Variants in TNPO2 observed in about 807,000 individuals in gnomAD.
TNPO2 encodes transportin-2.
TNPO2 carries 16 observed loss-of-function variants against 111.1 expected under a neutral mutation model. That is an observed-to-expected ratio of 0.14 (90% CI 0.10 to 0.22). The LOEUF is 0.22. Ranked by LOEUF, TNPO2 falls within the 10% of genes least tolerant of loss-of-function variation. TNPO2 has a pLI of 1.00. For missense variants in TNPO2, 530 were observed against 1,173.7 expected (o/e 0.45, Z 8.01); for synonymous variants, 481 against 475.8 (o/e 1.01, Z -0.14).
At position 12,706,094 on chromosome 19, in the gene TNPO2, G is replaced by A. The variant is rs780751000; in HGVS notation, c.1668+102C>T. 107 of 1,353,462 alleles carry A rather than the reference G, an allele frequency of 7.9e-5. No homozygotes were observed. Among genetic ancestry groups the A allele is most frequent in the Non-Finnish European group, 1.0e-4 (103 of 994,732 alleles). 83.8% of individuals were successfully genotyped at this position (1,353,462 alleles called of 1,614,324 possible). On this transcript the variant is annotated intron_variant, in intron 15 of 25. Coordinates refer to ENST00000425528, the MANE Select transcript of TNPO2 (RefSeq NM_001382241.1). The surrounding 1 kb of genome is among the most constrained non-coding windows in gnomAD (Gnocchi z 7.0). ...CCGGGTCTGTCTGTCTGCCTGTCGA[G>A]GTCACGGCCACGTCCCTGGCGTGCA...
chr19:12,717,840 C>G (rs1165961221), intron 5 of TNPO2, among the ~76,000 whole-genome samples: 1 of 150,180 alleles, frequency 6.7e-6, no homozygotes, highest in African/African-American at 2.5e-5. Flanking sequence ...GCTGTAATTC[C>G]CAAGTAATTT....
chr19:12,710,586 T>G (rs780165060), intron 13 of TNPO2, 35 bp downstream of exon 13: 5 of 1,607,396 alleles, frequency 3.1e-6, no homozygotes, highest in Non-Finnish European at 8.5e-7. Context: ...TACAGTCTCA[T>G]GCCAGCACAG....
chr19:12,706,784 C>T lies in TNPO2; in HGVS notation c.1282G>A (p.Gly428Ser), dbSNP rs991706530. 2 of 1,607,470 alleles carry T rather than the reference C, an allele frequency of 1.2e-6. No individual in the cohort carries two copies. Among genetic ancestry groups the T allele is most frequent in the African/African-American group, 1.3e-5 (1 of 74,862 alleles). The change falls in exon 14 of 26, where the codon GGC (glycine) becomes AGC (serine). Residue 428 changes from glycine (G) to serine (S), a missense_variant. Physicochemically the swap from Gly to Ser is moderately conservative, Grantham distance 56. Transcript: ENST00000425528. This position sits in a 1 kb window ranked among gnomAD's most constrained non-coding sequence, Gnocchi z 7.0. ...AGCTCAGGCAGGTAGGGCACCATGC[C>T]CTGCATGCAGCCTACAAGGAAAGGG... Reference protein sequence around the residue: ...LGAIAEGCMQGMVPYLPELIP... With the variant: ...LGAIAEGCMQSMVPYLPELIP...
intron 18 of TNPO2, among the ~76,000 whole-genome samples, chr19:12,704,486 AT>A (rs2025513097): frequency 1.3e-5 from 2 of 152,206 alleles, no homozygotes; most frequent in African/African-American, 4.8e-5. Context: ...TGTCAACAGT[AT>A]GGGAATAGTT....
Position 12,721,092 on chromosome 19 carries a change from C to T in TNPO2, c.-13-102G>A. 6.5e-7 allele frequency: 1 copy of T among 1,528,494 alleles called. No individual in the cohort carries two copies. Among genetic ancestry groups the T allele is most frequent in the Non-Finnish European group, 8.7e-7 (1 of 1,143,674 alleles). 94.7% of individuals were successfully genotyped at this position (1,528,494 alleles called of 1,614,324 possible). On this transcript the variant is annotated intron_variant, in intron 2 of 25. Transcript: ENST00000425528. This position sits in a 1 kb window ranked among gnomAD's most constrained non-coding sequence, Gnocchi z 4.9. ...CGGTGGCCGCATGACGACGGGAACG[C>T]CCTCGGCGGACAGGCGGAGGCCTCC...
At chr19:12,716,027 G>A (rs559521909) in intron 5 of TNPO2, among the ~76,000 whole-genome samples, 1 of 151,794 alleles carries the variant, frequency 6.6e-6, no homozygotes, top group African/African-American at 2.4e-5. Context: ...ATGCCACCAC[G>A]CCCAACTAAT....
Position 12,702,739 on chromosome 19 carries a change from CTCTT to C in TNPO2, c.2305+80_2305+83del. 6.3e-6 allele frequency: 8 copies of C among 1,270,702 alleles called. No individual in the cohort carries two copies. The highest frequency in any genetic ancestry group is 9.1e-6 in the Non-Finnish European group (8 of 878,918). The allele number at this position is 1,270,702 out of a possible 1,614,324, so 78.7% of individuals were successfully genotyped here. Reference sequence around the variant, plus strand: ...CACCCTCCTTGGTTCCTTGACAAGGCTCTTTCTGATGCCCTTCCCAGCCCAGAAC... The same window carrying C: ...CACCCTCCTTGGTTCCTTGACAAGGCTCTGATGCCCTTCCCAGCCCAGAAC... On this transcript the variant is annotated intron_variant, in intron 21 of 25. Coordinates refer to ENST00000425528, the MANE Select transcript of TNPO2 (RefSeq NM_001382241.1). The surrounding 1 kb of genome is among the most constrained non-coding windows in gnomAD (Gnocchi z 5.5).
chr19:12,702,115 G>A lies in TNPO2; in HGVS notation c.2368C>T (p.Pro790Ser). The stretch of plus-strand genomic sequence containing the variant: ...TGCAGCATGGGTGCCACCTCCTGGG[G>A]GCACACGTAGCCCAAGCGGCCGATG... ...ITIGRLGYVC[P>S]QEVAPMLQQF... The change falls in exon 22 of 26, where the codon CCC becomes TCC. Residue 790 changes from proline to serine, a missense_variant. By Grantham distance (74) the Pro-to-Ser change is moderately conservative (BLOSUM62 -1). Around this residue, in one of 4 missense-constraint regions of TNPO2, gnomAD observed 103 missense variants for 156.7 expected, o/e 0.66. Coordinates refer to ENST00000425528, the MANE Select transcript of TNPO2 (RefSeq NM_001382241.1). This position sits in a 1 kb window ranked among gnomAD's most constrained non-coding sequence, Gnocchi z 5.5. The A allele has an allele frequency of 6.2e-7, 1 of 1,613,606 alleles. No homozygotes were observed. Among genetic ancestry groups the A allele is most frequent in the Non-Finnish European group, 8.5e-7 (1 of 1,179,830 alleles).
At chr19:12,718,081 T>A (rs1265214801) in intron 5 of TNPO2, among the ~76,000 whole-genome samples, 1 of 152,064 alleles carries the variant, frequency 6.6e-6, no homozygotes, top group Non-Finnish European at 1.5e-5. Context: ...CTCGGCTCAC[T>A]GCAACCTCTG....
Position 12,719,187 on chromosome 19 carries a change from A to G in TNPO2, c.176-9T>C, listed in dbSNP as rs1291125490. On this transcript the variant is annotated splice_polypyrimidine_tract_variant and intron_variant, in intron 4 of 25. Transcript: ENST00000425528. This position sits in a 1 kb window ranked among gnomAD's most constrained non-coding sequence, Gnocchi z 5.0. The stretch of plus-strand genomic sequence containing the variant: ...AGAGCGCGTTGGCTCATCTGGGAGG[A>G]GGAAGGCTGAGGTTCAGGGGCCCAG... 6.2e-7 allele frequency: 1 copy of G among 1,613,806 alleles called. No homozygotes were observed. Among genetic ancestry groups the G allele is most frequent in the Non-Finnish European group, 8.5e-7 (1 of 1,179,798 alleles).
Position 12,706,190 on chromosome 19 carries a change from T to C in TNPO2, c.1668+6A>G. On this transcript the variant is annotated splice_donor_region_variant and intron_variant, in intron 15 of 25. Coordinates refer to ENST00000425528, the MANE Select transcript of TNPO2 (RefSeq NM_001382241.1). The surrounding 1 kb of genome is among the most constrained non-coding windows in gnomAD (Gnocchi z 7.0). ...TCGGGAGGCGGGAGCCGCTCTGGGG[T>C]CTCACCGGCTGGTTGAGGTGGTGGC... The C allele has an allele frequency of 6.2e-7, 1 of 1,612,876 alleles. No individual in the cohort carries two copies. Among genetic ancestry groups the C allele is most frequent in the Non-Finnish European group, 8.5e-7 (1 of 1,179,510 alleles).
At chr19:12,718,889 G>T in intron 5 of TNPO2, 140 bp downstream of exon 5, 1 of 1,200,140 alleles carries the variant, frequency 8.3e-7, no homozygotes, top group Non-Finnish European at 1.2e-6. Context: ...CAGCGCCTCA[G>T]CTTCCTCATC....
rs761582367 is a variant in TNPO2 at position 12,706,641 on chromosome 19, G to C, written c.1425C>G (p.Leu475=). The C allele has an allele frequency of 5.6e-6, 9 of 1,614,006 alleles. No homozygotes were observed. Among genetic ancestry groups the C allele is most frequent in the East Asian group, 4.5e-5 (2 of 44,884 alleles). The change falls in exon 14 of 26, where the codon CTC becomes CTG. Residue 475 remains leucine, a synonymous_variant. Transcript: ENST00000425528. The surrounding 1 kb of genome is among the most constrained non-coding windows in gnomAD (Gnocchi z 7.0). ...WVVSQPPDMH[L]KPLMTELLKR... ...TGAGCAGCTCTGTCATCAGGGGCTT[G>C]AGGTGCATGTCGGGTGGCTGGCTGA...
At chr19:12,713,536 C>T (rs1172737176) in intron 10 of TNPO2, among the ~76,000 whole-genome samples, 1 of 151,732 alleles carries the variant, frequency 6.6e-6, no homozygotes, top group African/African-American at 2.4e-5. Flanking sequence ...ATATGCTGGG[C>T]GTGGTGACTC....
intron 5 of TNPO2, 115 bp downstream of exon 5, chr19:12,718,914 A>T: frequency 7.5e-7 from 1 of 1,339,164 alleles, no homozygotes; most frequent in Non-Finnish European, 1.0e-6. Flanking sequence ...AAATGGCAAT[A>T]GTAATAGTAC....
rs757330667 is a variant in TNPO2, at chr19:12,705,849, G to C, written c.1669-81C>G. 2 of 1,061,788 alleles carry C rather than the reference G, an allele frequency of 1.9e-6. No homozygotes were observed. Among genetic ancestry groups the C allele is most frequent in the African/African-American group, 1.6e-5 (1 of 60,978 alleles). 65.8% of individuals were successfully genotyped at this position (1,061,788 alleles called of 1,614,324 possible). A position where few individuals can be genotyped will look rare whatever the true frequency, so the allele number is the denominator to read the frequency against. The stretch of plus-strand genomic sequence containing the variant: ...CAGGTACCTGTTGCCCGAGTGATGA[G>C]GCCTGAGCGCCTCACCGTGGCTCAT... On this transcript the variant is annotated intron_variant, in intron 15 of 25. Coordinates refer to ENST00000425528, the MANE Select transcript of TNPO2 (RefSeq NM_001382241.1). This position sits in a 1 kb window ranked among gnomAD's most constrained non-coding sequence, Gnocchi z 7.2.
rs2025624383 is a variant in TNPO2 at position 12,705,893 on chromosome 19, C to G, written c.1669-125G>C. The G allele has an allele frequency of 1.3e-6, 1 of 756,348 alleles. No homozygotes were observed. The highest frequency in any genetic ancestry group is 2.1e-6 in the Non-Finnish European group (1 of 479,910). The allele number at this position is 756,348 out of a possible 1,614,324, so 46.9% of individuals were successfully genotyped here. On this transcript the variant is annotated intron_variant, in intron 15 of 25. Transcript: ENST00000425528. This position sits in a 1 kb window ranked among gnomAD's most constrained non-coding sequence, Gnocchi z 7.2. The stretch of plus-strand genomic sequence containing the variant: ...GGCTCATGGGACCCTGAAAGGCCTG[C>G]CATCTGGCCAGACCTCGAGGCCTTC...
chr19:12,713,550 C>G (rs1256937170), intron 10 of TNPO2, among the ~76,000 whole-genome samples: 1 of 151,974 alleles, frequency 6.6e-6, no homozygotes. Context: ...GTGACTCACG[C>G]CTGTAATCCT....
chr19:12,715,180 G>A lies in TNPO2; in HGVS notation c.649-11C>T, dbSNP rs943912356. ...CAGGGCAAATAGGTGCTGCAGGGAG[G>A]AACAGGGTCAGTTGTAGGGGCCCTC... is the stretch of plus-strand genomic sequence containing the variant. On this transcript the variant is annotated splice_polypyrimidine_tract_variant and intron_variant, in intron 8 of 25. Coordinates refer to ENST00000425528, the MANE Select transcript of TNPO2 (RefSeq NM_001382241.1). This position sits in a 1 kb window ranked among gnomAD's most constrained non-coding sequence, Gnocchi z 7.1. The A allele has an allele frequency of 1.2e-6, 2 of 1,612,982 alleles. No individual in the cohort carries two copies. The highest frequency in any genetic ancestry group is 1.7e-6 in the Non-Finnish European group (2 of 1,179,254).
Sources: allele counts gnomAD v4.1 joint callset (sites outside exome capture counted in the v4.1 genomes callset), GRCh38; gene constraint gnomAD v4.1.1; regional missense constraint gnomAD v4.1.1; non-coding constraint Gnocchi (gnomAD v3.1); transcripts MANE v1.5; gene names NCBI Gene and HGNC (gene_info 2026-07-23, HGNC 2026-07-21).